The following TMEM168 variants were observed in gnomAD, a reference collection of about 807,000 sequenced individuals.
The protein encoded by TMEM168 is transmembrane protein 168.
In TMEM168, 40 loss-of-function variants were observed where a neutral mutation model predicts 53.2. The observed-to-expected ratio is 0.75, with a 90% CI of 0.58 to 0.98. TMEM168 has a LOEUF of 0.98. Ranked by LOEUF, TMEM168 falls within the 50% of genes least tolerant of loss-of-function variation. TMEM168 has a pLI of 0.00. For synonymous variants in TMEM168, 282 were observed against 293.0 expected (o/e 0.96, Z 0.38); for missense variants, 771 against 828.8 (o/e 0.93, Z 0.86).
At chr7:112,780,959 A>AAC (rs1793214049) in intron 2 of TMEM168, among the ~76,000 whole-genome samples, 1 of 151,374 alleles carries the variant, frequency 6.6e-6, no homozygotes, top group African/African-American at 2.4e-5. Context: ...AAAAAAAAAA[A>AAC]AAAAAACGGG....
At chr7:112,771,706 T>C (rs1307112454) in intron 4 of TMEM168, among the ~76,000 whole-genome samples, 1 of 152,146 alleles carries the variant, frequency 6.6e-6, no homozygotes, top group Non-Finnish European at 1.5e-5. Flanking sequence ...TTTTTGTTTG[T>C]CTCTTTCTGG....
In TMEM168 at chr7:112,784,373, G is replaced by A. The variant is rs1793317808; in HGVS notation, c.453C>T (p.Pro151=). The change falls in exon 2 of 5, where the codon CCC becomes CCT. Residue 151 remains proline (P), a synonymous_variant. Coordinates refer to ENST00000312814, the MANE Select transcript of TMEM168 (RefSeq NM_022484.6). ...GAAATTCAACTGTGGTTAGTAAAGT[G>A]GGCCGATGACGGACATAACCAGAAA... is the stretch of plus-strand genomic sequence containing the variant. ...ERISGYVRHR[P]TLLTTVEFLE... The A allele has an allele frequency of 5.6e-6, 9 of 1,614,034 alleles. No individual in the cohort carries two copies. Among genetic ancestry groups the A allele is most frequent in the Non-Finnish European group, 7.6e-6 (9 of 1,180,020 alleles).
In TMEM168 at chr7:112,771,966, A is replaced by C. The variant is rs192943438; in HGVS notation, c.1546+815T>G. Among the ~76,000 whole-genome samples the C allele has an allele frequency of 9.2e-5, 14 of 152,180 alleles. No homozygotes were observed. The East Asian group carries it at 2.5e-3, about 27-fold the overall frequency. Reference sequence around the variant, plus strand: ...ATTTCATCTATCTATCAGCTACTTAAGGATCCTCTACTATGTATTGGGCTC... The same window carrying C: ...ATTTCATCTATCTATCAGCTACTTACGGATCCTCTACTATGTATTGGGCTC... On this transcript the variant is annotated intron_variant, in intron 4 of 4. Coordinates refer to ENST00000312814, the MANE Select transcript of TMEM168 (RefSeq NM_022484.6).
chr7:112,778,847 G>C (rs1351978713), intron 2 of TMEM168, among the ~76,000 whole-genome samples: 1 of 152,130 alleles, frequency 6.6e-6, no homozygotes, highest in East Asian at 1.9e-4. Flanking sequence ...AATAACAGAT[G>C]ATCTGTTACT....
At chr7:112,776,012 C>T (rs1384091424) in intron 2 of TMEM168, among the ~76,000 whole-genome samples, 1 of 148,118 alleles carries the variant, frequency 6.8e-6, no homozygotes, top group Non-Finnish European at 1.5e-5. Flanking sequence ...AGAAAAAATA[C>T]TCATTTAAGT....
At chr7:112,774,362 T>TC in intron 3 of TMEM168, among the ~76,000 whole-genome samples, 1 of 144,060 alleles carries the variant, frequency 6.9e-6, no homozygotes, top group Non-Finnish European at 1.5e-5. Context: ...TTTTTACATT[T>TC]TTTTTTTTTT....
At chr7:112,773,368 G>A (rs1341239271) in intron 3 of TMEM168, among the ~76,000 whole-genome samples, 3 of 151,860 alleles carry the variant, frequency 2.0e-5, no homozygotes, top group African/African-American at 7.3e-5. Flanking sequence ...TATTGGACAA[G>A]GTTTTTTAAA....
At chr7:112,783,291 A>C (rs1793279183) in intron 2 of TMEM168, among the ~76,000 whole-genome samples, 1 of 152,174 alleles carries the variant, frequency 6.6e-6, no homozygotes, top group African/African-American at 2.4e-5. Flanking sequence ...AATAGACAGA[A>C]GTTAAGTAAC....
intron 1 of TMEM168, among the ~76,000 whole-genome samples, chr7:112,787,566 C>A (rs986396264): frequency 6.6e-6 from 1 of 151,904 alleles, no homozygotes; most frequent in Admixed American, 6.6e-5. Flanking sequence ...AGGCGCCCAT[C>A]GCCATGCCCA....
Position 112,784,934 on chromosome 7 carries a change from G to T in TMEM168, c.-109C>A. On this transcript the variant is annotated 5_prime_UTR_variant, in exon 2 of 5. Coordinates refer to ENST00000312814, the MANE Select transcript of TMEM168 (RefSeq NM_022484.6). ...TCCTATTTCAACATTTTCTCTTGTG[G>T]AAATTTTGTTTATAGTGATCTAAAA... 9.9e-7 allele frequency: 1 copy of T among 1,005,502 alleles called. No homozygotes were observed. The highest frequency in any genetic ancestry group is 1.3e-6 in the Non-Finnish European group (1 of 746,466). The allele number at this position is 1,005,502 out of a possible 1,614,324, so 62.3% of individuals were successfully genotyped here. A position where few individuals can be genotyped will look rare whatever the true frequency, so the allele number is the denominator to read the frequency against.
At position 112,784,637 on chromosome 7, in the gene TMEM168, T is replaced by A. The variant is rs1311983955; in HGVS notation, c.189A>T (p.Leu63Phe). Residue 63 changes from leucine (L) to phenylalanine (F), a missense_variant, in exon 2 of 5, where the codon TTA becomes TTT. Physicochemically the swap from Leu to Phe is conservative, Grantham distance 22. Coordinates refer to ENST00000312814, the MANE Select transcript of TMEM168 (RefSeq NM_022484.6). ...YVRWEKTANSLILVIFILGLF... is the reference protein window; with the variant it reads ...YVRWEKTANSFILVIFILGLF... ...GACCAAGAATAAAAATTACCAAAAT[T>A]AAGGAATTTGCTGTTTTTTCCCATC... is the stretch of plus-strand genomic sequence containing the variant. 6.2e-6 allele frequency: 10 copies of A among 1,611,946 alleles called. No individual in the cohort carries two copies. Among genetic ancestry groups the A allele is most frequent in the Non-Finnish European group, 8.5e-6 (10 of 1,179,442 alleles).
intron 4 of TMEM168, among the ~76,000 whole-genome samples, chr7:112,769,200 A>T (rs1038150524): frequency 1.3e-5 from 2 of 152,166 alleles, no homozygotes; most frequent in African/African-American, 4.8e-5. Flanking sequence ...TGTTTTATTA[A>T]TCAGTAAGCT....
chr7:112,775,696 T>C (rs1793063844), intron 2 of TMEM168, among the ~76,000 whole-genome samples: 1 of 152,076 alleles, frequency 6.6e-6, no homozygotes, highest in South Asian at 2.1e-4. Context: ...CATGCCTATG[T>C]CATTTTTCAA....
chr7:112,772,977 A>G lies in TMEM168; in HGVS notation c.1350T>C (p.Ala450=), dbSNP rs1792968728. The change falls in exon 4 of 5, where the codon GCT becomes GCC. Residue 450 remains alanine, a synonymous_variant. Transcript: ENST00000312814. ...TATGATATGCAAAAAATCTTTGGAT[A>G]GCATTGAGCATGCCAGTAGACCTCA... ...LNLRSTGMLN[A]IQRFFAYHMI... 1.2e-6 allele frequency: 2 copies of G among 1,613,966 alleles called. No individual in the cohort carries two copies. Among genetic ancestry groups the G allele is most frequent in the Admixed American group, 1.7e-5 (1 of 59,994 alleles).
At position 112,776,167 on chromosome 7, in the gene TMEM168, A is replaced by C. The variant is rs1287165901; in HGVS notation, c.1129-849T>G. On this transcript the variant is annotated intron_variant, in intron 2 of 4. Coordinates refer to ENST00000312814, the MANE Select transcript of TMEM168 (RefSeq NM_022484.6). Reference sequence around the variant, plus strand: ...TTAAGACCCTAAAGCTATAAAAACGAATTCCGTTTATATGATATAGTTTAC... The same window carrying C: ...TTAAGACCCTAAAGCTATAAAAACGCATTCCGTTTATATGATATAGTTTAC... Among the ~76,000 whole-genome samples the C allele has an allele frequency of 5.3e-5, 8 of 151,748 alleles. No homozygotes were observed. In the East Asian group the frequency reaches 1.6e-3, roughly 29 times the overall value.
Position 112,767,071 on chromosome 7 carries a change from A to G in TMEM168, c.*126T>C. On this transcript the variant is annotated 3_prime_UTR_variant, in exon 5 of 5. Coordinates refer to ENST00000312814, the MANE Select transcript of TMEM168 (RefSeq NM_022484.6). ...ATACCATAATTACTTAAGAAAAGAC[A>G]AAGTGAGAGCAGCTACAGAAGTAGC... The G allele has an allele frequency of 1.0e-6, 1 of 962,278 alleles. No homozygotes were observed. The highest frequency in any genetic ancestry group is 1.5e-6 in the Non-Finnish European group (1 of 663,506). The allele number at this position is 962,278 out of a possible 1,614,324, so 59.6% of individuals were successfully genotyped here. A position where few individuals can be genotyped will look rare whatever the true frequency, so the allele number is the denominator to read the frequency against.
In TMEM168 at chr7:112,766,130, T is replaced by G. The variant is rs1477326004; in HGVS notation, c.*1067A>C. 1.3e-5 allele frequency: 2 copies of G among 152,608 alleles called. No homozygotes were observed. Among genetic ancestry groups the G allele is most frequent in the African/African-American group, 2.4e-5 (1 of 41,450 alleles). The allele number at this position is 152,608 out of a possible 1,614,324, so 9.5% of individuals were successfully genotyped here. ...TGCCTGCTTTAATCAGACAAAACAC[T>G]AAGTTTTAAAAATTACAACCACAAT... On this transcript the variant is annotated 3_prime_UTR_variant, in exon 5 of 5. Coordinates refer to ENST00000312814, the MANE Select transcript of TMEM168 (RefSeq NM_022484.6).
intron 4 of TMEM168, among the ~76,000 whole-genome samples, chr7:112,771,601 A>T (rs1027524008): frequency 2.0e-5 from 3 of 152,126 alleles, no homozygotes; most frequent in Non-Finnish European, 4.4e-5. Flanking sequence ...GAAAAATTTC[A>T]AAAAAATATT....
intron 2 of TMEM168, among the ~76,000 whole-genome samples, chr7:112,776,057 T>C (rs899934009): frequency 6.6e-6 from 1 of 151,746 alleles, no homozygotes; most frequent in Admixed American, 6.6e-5. Flanking sequence ...AACATACCTT[T>C]AGAATATTAA....
Sources: allele counts gnomAD v4.1 joint callset (sites outside exome capture counted in the v4.1 genomes callset), GRCh38; gene constraint gnomAD v4.1.1; transcripts MANE v1.5; gene names NCBI Gene and HGNC (gene_info 2026-07-23, HGNC 2026-07-21).